Variants in DPY19L3 observed in about 807,000 individuals in gnomAD.
DPY19L3 encodes the protein protein C-mannosyl-transferase DPY19L3.
A neutral mutation model predicts 92.3 loss-of-function variants in DPY19L3; 51 were observed. The observed-to-expected ratio is 0.55, with a 90% CI of 0.44 to 0.70. DPY19L3 has a LOEUF of 0.70. Ranked by LOEUF, DPY19L3 falls within the 30% of genes least tolerant of loss-of-function variation. DPY19L3 has a pLI of 0.00. For missense variants in DPY19L3, 706 were observed against 855.9 expected, an observed-to-expected ratio of 0.82 and a Z score of 2.18; for synonymous variants, 309 against 315.2, an observed-to-expected ratio of 0.98 and a Z score of 0.21.
intron 3 of DPY19L3, among the ~76,000 whole-genome samples, chr19:32,418,920 G>A (rs1968467614): frequency 6.6e-6 from 1 of 151,972 alleles, no homozygotes; most frequent in East Asian, 1.9e-4. Flanking sequence ...CCCTGAAATA[G>A]CAACTGGAAA....
chr19:32,415,885 C>G (rs1214444008), intron 3 of DPY19L3, among the ~76,000 whole-genome samples: 1 of 152,164 alleles, frequency 6.6e-6, no homozygotes, highest in African/African-American at 2.4e-5. Context: ...GAGATAGTCA[C>G]TAGAAGGCTA....
intron 8 of DPY19L3, among the ~76,000 whole-genome samples, chr19:32,446,664 A>G (rs966843321): frequency 1.1e-4 from 17 of 152,246 alleles, no homozygotes; most frequent in African/African-American, 4.1e-4. Context: ...ACCAAGAAGA[A>G]ATAGCAATCC....
intron 15 of DPY19L3, chr19:32,468,249 T>C (rs757236878): frequency 1.0e-5 from 10 of 967,622 alleles, no homozygotes; most frequent in African/African-American, 1.8e-5. Context: ...TGGGTTATTG[T>C]GAGGATAAAA....
At chr19:32,429,875 G>A (rs1473713698) in intron 3 of DPY19L3, among the ~76,000 whole-genome samples, 2 of 152,192 alleles carry the variant, frequency 1.3e-5, no homozygotes, top group African/African-American at 4.8e-5. Flanking sequence ...ATGAGTAGGA[G>A]TTTGGACATT....
chr19:32,409,766 C>G (rs1395112397), intron 2 of DPY19L3, among the ~76,000 whole-genome samples: 1 of 152,110 alleles, frequency 6.6e-6, no homozygotes, highest in Non-Finnish European at 1.5e-5. Context: ...CTTTTTTAAC[C>G]AACCAGCTCC....
chr19:32,481,761 G>C (rs1970680110), intron 18 of DPY19L3: 2 of 215,448 alleles, frequency 9.3e-6, no homozygotes, highest in Non-Finnish European at 1.8e-5. Flanking sequence ...TCTGATCACT[G>C]TAGTTCTCTG....
chr19:32,470,898 AAAT>A (rs955478557), intron 16 of DPY19L3, among the ~76,000 whole-genome samples: 7 of 147,174 alleles, frequency 4.8e-5, no homozygotes, highest in African/African-American at 1.8e-4. Context: ...CTTCAAATCT[AAAT>A]AATATTTTTG....
chr19:32,418,520 ATATG>A (rs1249688107), intron 3 of DPY19L3, among the ~76,000 whole-genome samples: 1 of 152,214 alleles, frequency 6.6e-6, no homozygotes, highest in Non-Finnish European at 1.5e-5. Context: ...TAATTTTTAA[ATATG>A]TACATATTTT....
At chr19:32,458,614 A>G in intron 12 of DPY19L3, 105 bp downstream of exon 12, 1 of 1,194,770 alleles carries the variant, frequency 8.4e-7, no homozygotes, top group Admixed American at 2.2e-5. Context: ...AAGTAATAGT[A>G]TTCATCTTAA....
chr19:32,458,813 A>C (rs563007991), intron 12 of DPY19L3, among the ~76,000 whole-genome samples: 63 of 152,320 alleles, frequency 4.1e-4, no homozygotes, highest in African/African-American at 1.5e-3. Flanking sequence ...GAAGACTAAG[A>C]GTACTTACTC....
At chr19:32,455,961 G>C (rs1406755011) in intron 10 of DPY19L3, among the ~76,000 whole-genome samples, 1 of 152,052 alleles carries the variant, frequency 6.6e-6, no homozygotes, top group Non-Finnish European at 1.5e-5. Context: ...TCTCAGGATA[G>C]GAGGCATCTG....
chr19:32,421,625 C>A (rs1159047673), intron 3 of DPY19L3, among the ~76,000 whole-genome samples: 1 of 97,838 alleles, frequency 1.0e-5, no homozygotes, highest in African/African-American at 3.6e-5. Flanking sequence ...GAGACTTCAT[C>A]TCAAAAAAAA....
At chr19:32,453,342 T>G in intron 9 of DPY19L3, 66 bp downstream of exon 9, 5 of 1,473,660 alleles carry the variant, frequency 3.4e-6, no homozygotes, top group Non-Finnish European at 4.6e-6. Flanking sequence ...TATTGAACCT[T>G]ATTTTCACAC....
chr19:32,456,022 T>C (rs2145571247), intron 10 of DPY19L3, among the ~76,000 whole-genome samples: 1 of 152,110 alleles, frequency 6.6e-6, no homozygotes. Flanking sequence ...TTCACGTCTG[T>C]TGACTATCAA....
At chr19:32,452,110 G>C (rs1017827025) in intron 8 of DPY19L3, among the ~76,000 whole-genome samples, 1 of 152,290 alleles carries the variant, frequency 6.6e-6, no homozygotes, top group East Asian at 1.9e-4. Context: ...ACAGGCATTA[G>C]CCACCGTGCT....
intron 4 of DPY19L3, among the ~76,000 whole-genome samples, chr19:32,434,557 G>A (rs191217006): frequency 1.3e-5 from 2 of 152,202 alleles, no homozygotes; most frequent in African/African-American, 4.8e-5. Flanking sequence ...TACTCCGGAG[G>A]CTGAGGCAGG....
At chr19:32,440,455 T>G (rs1969288286) in intron 8 of DPY19L3, among the ~76,000 whole-genome samples, 1 of 152,226 alleles carries the variant, frequency 6.6e-6, no homozygotes, top group Admixed American at 6.5e-5. Context: ...GCGTACAGTT[T>G]TAAAATGGCT....
Position 32,432,892 on chromosome 19 carries a change from A to G in DPY19L3, c.328+86A>G. On this transcript the variant is annotated intron_variant, in intron 4 of 18. Transcript: ENST00000392250. ...AAGTACTGTGCACTAAAAACCACTT[A>G]AATGCTCTCTAGAACATGTGTATTT... 3 of 1,051,700 alleles carry G rather than the reference A, an allele frequency of 2.9e-6. No individual in the cohort carries two copies. In the Admixed American group the frequency reaches 5.9e-5, roughly 21 times the overall value. The allele number at this position is 1,051,700 out of a possible 1,614,324, so 65.1% of individuals were successfully genotyped here. A position where few individuals can be genotyped will look rare whatever the true frequency, so the allele number is the denominator to read the frequency against.
chr19:32,459,727 C>G (rs1199472801), intron 12 of DPY19L3, among the ~76,000 whole-genome samples: 1 of 152,088 alleles, frequency 6.6e-6, no homozygotes, highest in Non-Finnish European at 1.5e-5. Flanking sequence ...AATCTATGAG[C>G]CATCTCTGGA....
Sources: gnomAD v4.1 joint callset for allele counts (sites outside exome capture counted in the v4.1 genomes callset) on GRCh38, gnomAD v4.1.1 for gene constraint, MANE v1.5 for transcripts, NCBI Gene and HGNC (gene_info 2026-07-23, HGNC 2026-07-21) for gene names.